Variants in SMAD4 observed in about 807,000 individuals in gnomAD.
SMAD4 encodes the protein SMAD family member 4, also known as MAD homolog 4.
In SMAD4, 7 loss-of-function variants were observed where a neutral mutation model predicts 63.2. The observed-to-expected ratio is 0.11, with a 90% confidence interval of 0.06 to 0.21. The LOEUF (loss-of-function observed/expected upper bound fraction) is 0.21. SMAD4 is among the 10% of genes least tolerant of loss of function. SMAD4 has a pLI of 1.00. For missense variants in SMAD4, 312 were observed against 693.8 expected, an observed-to-expected ratio of 0.45 and a Z score of 6.18; for synonymous variants, 215 against 235.4, an observed-to-expected ratio of 0.91 and a Z score of 0.79.
chr18:51,084,640 A>G lies in SMAD4; in HGVS notation c.*6173A>G, dbSNP rs1469843536. ...CACGGGCTTGGATTGATTAAGACTA[A>G]ACATGGAGTTGGCAAACTTTCTTCA... On this transcript the variant is annotated 3_prime_UTR_variant, in exon 12 of 12. Coordinates refer to ENST00000342988, the MANE Select transcript of SMAD4 (RefSeq NM_005359.6). 1 of 230,406 alleles carries G rather than the reference A, an allele frequency of 4.3e-6. No individual in the cohort carries two copies. The highest frequency in any genetic ancestry group is 6.1e-5 in the East Asian group (1 of 16,292). The allele number at this position is 230,406 out of a possible 1,614,324, so 14.3% of individuals were successfully genotyped here.
intron 2 of SMAD4, among the ~76,000 whole-genome samples, chr18:51,047,849 TC>T (rs1291601804): frequency 6.6e-6 from 1 of 152,190 alleles, no homozygotes; most frequent in Non-Finnish European, 1.5e-5. Context: ...CCTCAGGTGA[TC>T]CACCCGCCTC....
At chr18:51,068,565 A>C (rs1463772732) in intron 10 of SMAD4, among the ~76,000 whole-genome samples, 1 of 152,240 alleles carries the variant, frequency 6.6e-6, no homozygotes, top group African/African-American at 2.4e-5. Flanking sequence ...AATAGAATAA[A>C]GCAATAAAGT....
At chr18:51,034,586 C>T (rs1909150778) in intron 1 of SMAD4, among the ~76,000 whole-genome samples, 1 of 150,394 alleles carries the variant, frequency 6.6e-6, no homozygotes, top group South Asian at 2.1e-4. Flanking sequence ...GCTCAGTGCC[C>T]CAGCCTGGAG....
intron 10 of SMAD4, among the ~76,000 whole-genome samples, chr18:51,068,816 G>C (rs1319459372): frequency 1.3e-5 from 2 of 152,058 alleles, no homozygotes; most frequent in Non-Finnish European, 2.9e-5. Context: ...AGCTACTTGG[G>C]AGGCTGAGAT....
Position 51,080,090 on chromosome 18 carries a change from G to A in SMAD4, c.*1623G>A, listed in dbSNP as rs914532074. ...AAATCAAGGATTATCTTTCAGATGT[G>A]TTTACTTTTGCCTGGAGAACTTTTA... On this transcript the variant is annotated 3_prime_UTR_variant, in exon 12 of 12. Coordinates refer to ENST00000342988, the MANE Select transcript of SMAD4 (RefSeq NM_005359.6). The A allele has an allele frequency of 4.4e-6, 1 of 228,092 alleles. No individual in the cohort carries two copies. The highest frequency in any genetic ancestry group is 6.3e-5 in the East Asian group (1 of 15,932). 14.1% of individuals were successfully genotyped at this position (228,092 alleles called of 1,614,324 possible).
intron 1 of SMAD4, among the ~76,000 whole-genome samples, chr18:51,039,512 G>A (rs1480150196): frequency 2.4e-4 from 3 of 12,524 alleles, no homozygotes; most frequent in South Asian, 9.8e-4. Context: ...CCCACCCCCC[G>A]TAGTTCCATC....
intron 10 of SMAD4, among the ~76,000 whole-genome samples, chr18:51,074,495 C>T (rs77525306): frequency 1.5e-3 from 232 of 152,216 alleles, no homozygotes; most frequent in African/African-American, 5.4e-3. Flanking sequence ...TGAACCCTTA[C>T]GTAAACTGGG....
chr18:51,054,537 G>A (rs1415718578), intron 4 of SMAD4: 3 of 480,324 alleles, frequency 6.2e-6, no homozygotes, highest in Admixed American at 3.4e-5. Context: ...TTGAAACATA[G>A]ACTAGCTTCA....
intron 10 of SMAD4, among the ~76,000 whole-genome samples, chr18:51,075,701 G>A (rs896369736): frequency 3.9e-5 from 6 of 152,104 alleles, no homozygotes; most frequent in Non-Finnish European, 8.8e-5. Context: ...AAATATAAGG[G>A]TAGATATGGC....
chr18:51,072,748 AAGC>A, intron 10 of SMAD4, among the ~76,000 whole-genome samples: 1 of 152,348 alleles, frequency 6.6e-6, no homozygotes, highest in Non-Finnish European at 1.5e-5. Context: ...AAATAAATTA[AAGC>A]AGAAATTAGC....
chr18:51,070,613 CCA>C (rs1297543904), intron 10 of SMAD4, among the ~76,000 whole-genome samples: 1 of 152,184 alleles, frequency 6.6e-6, no homozygotes, highest in African/African-American at 2.4e-5. Context: ...CCATGGTCAA[CCA>C]CAGTCCAAAA....
At chr18:51,038,256 G>GA (rs889634702) in intron 1 of SMAD4, among the ~76,000 whole-genome samples, 1 of 150,492 alleles carries the variant, frequency 6.6e-6, no homozygotes, top group Non-Finnish European at 1.5e-5. Flanking sequence ...GACTGTGGGG[G>GA]GGGGGGCAGT....
chr18:51,039,098 C>T (rs1909295502), intron 1 of SMAD4, among the ~76,000 whole-genome samples: 1 of 152,150 alleles, frequency 6.6e-6, no homozygotes, highest in Non-Finnish European at 1.5e-5. Flanking sequence ...CAGACTGAGA[C>T]TATGTCTCAG....
chr18:51,038,257 G>C (rs1019029876), intron 1 of SMAD4, among the ~76,000 whole-genome samples: 11 of 150,182 alleles, frequency 7.3e-5, no homozygotes, highest in Non-Finnish European at 1.2e-4. Context: ...ACTGTGGGGG[G>C]GGGGGCAGTA....
intron 1 of SMAD4, among the ~76,000 whole-genome samples, chr18:51,042,554 G>A (rs921483677): frequency 1.3e-5 from 2 of 150,500 alleles, no homozygotes; most frequent in Non-Finnish European, 3.0e-5. Context: ...TGTATTTTTT[G>A]TAGAGAGGAG....
At position 51,083,997 on chromosome 18, in the gene SMAD4, T is replaced by TGCGCGC. The variant is rs1555688043; in HGVS notation, c.*5534_*5535insGCGCGC. 7.3e-4 allele frequency: 90 copies of TGCGCGC among 124,030 alleles called. No homozygotes were observed. The highest frequency in any genetic ancestry group is 3.6e-3 in the African/African-American group (86 of 23,610). The allele number at this position is 124,030 out of a possible 1,614,324, so 7.7% of individuals were successfully genotyped here. ...GGCTGCAATAAACACTTAACGCGCG[T>TGCGCGC]GCGCACGCGCGCGCGCACACACACA... On this transcript the variant is annotated 3_prime_UTR_variant, in exon 12 of 12. Transcript: ENST00000342988.
intron 10 of SMAD4, among the ~76,000 whole-genome samples, chr18:51,072,709 GT>G (rs1910350457): frequency 6.6e-6 from 1 of 152,148 alleles, no homozygotes; most frequent in African/African-American, 2.4e-5. Flanking sequence ...TTAAGTAACG[GT>G]TTTGTAATAA....
chr18:51,060,117 CAAAAG>C (rs988935287), intron 8 of SMAD4, among the ~76,000 whole-genome samples: 14 of 152,016 alleles, frequency 9.2e-5, no homozygotes, highest in Admixed American at 2.0e-4. Context: ...TAACTGTCCC[CAAAAG>C]AAAAGAACTA....
rs979390485 is a variant in SMAD4 at position 51,083,476 on chromosome 18, A to C, written c.*5009A>C. 6 of 226,532 alleles carry C rather than the reference A, an allele frequency of 2.6e-5. No homozygotes were observed. Among genetic ancestry groups the C allele is most frequent in the African/African-American group, 9.0e-5 (4 of 44,408 alleles). The allele number at this position is 226,532 out of a possible 1,614,324, so 14.0% of individuals were successfully genotyped here. ...TTTTTTTTCTGTTTTTTTTTTTCTA[A>C]TGTAGTAAGGACTAAGGAAAACCTT... is the stretch of plus-strand genomic sequence containing the variant. On this transcript the variant is annotated 3_prime_UTR_variant, in exon 12 of 12. Transcript: ENST00000342988.
Sources: allele counts gnomAD v4.1 joint callset (sites outside exome capture counted in the v4.1 genomes callset), GRCh38; gene constraint gnomAD v4.1.1; transcripts MANE v1.5; gene names NCBI Gene and HGNC (gene_info 2026-07-23, HGNC 2026-07-21).